The following PCDH15 variants were observed in gnomAD, a reference collection of about 807,000 sequenced individuals.
PCDH15 encodes the protein protocadherin-15.
Under a neutral mutation model 178.5 loss-of-function variants are expected in PCDH15, and 129 were observed. The ratio of observed to expected loss-of-function variants is 0.72; its 90% CI spans 0.63 to 0.84. The LOEUF is 0.84. PCDH15 is among the 40% of genes least tolerant of loss of function. The pLI is 0.00. For missense variants in PCDH15, 2,230 were observed against 2,099.9 expected (o/e 1.06, Z -1.21); for synonymous variants, 800 against 732.0 (o/e 1.09, Z -1.50).
intron 3 of PCDH15, among the ~76,000 whole-genome samples, chr10:54,824,483 A>G (rs1473922337): frequency 6.6e-6 from 1 of 152,168 alleles, no homozygotes; most frequent in Admixed American, 6.6e-5. Context: ...AGGATGCATG[A>G]GTAGGCAGGA....
chr10:55,148,962 G>A (rs931960523), intron 2 of PCDH15, among the ~76,000 whole-genome samples: 10 of 150,972 alleles, frequency 6.6e-5, no homozygotes, highest in African/African-American at 2.2e-4. Context: ...ACACTAAAGA[G>A]GAATAAAACT....
intron 20 of PCDH15, among the ~76,000 whole-genome samples, chr10:54,009,306 G>C (rs574019134): frequency 2.6e-5 from 4 of 151,784 alleles, no homozygotes; most frequent in African/African-American, 9.7e-5. Flanking sequence ...TAAGTATATA[G>C]ACATGTGGAC....
chr10:55,447,642 G>A (rs1487745304), intron 2 of PCDH15, among the ~76,000 whole-genome samples: 1 of 151,522 alleles, frequency 6.6e-6, no homozygotes, highest in East Asian at 1.9e-4. Context: ...CTAAACCGAA[G>A]AAAAAATAAT....
At chr10:54,087,689 T>C (rs2094536477) in intron 16 of PCDH15, among the ~76,000 whole-genome samples, 1 of 152,196 alleles carries the variant, frequency 6.6e-6, no homozygotes, top group Admixed American at 6.5e-5. Flanking sequence ...TATGCGGTAA[T>C]TCTGTTTACC....
intron 1 of PCDH15, among the ~76,000 whole-genome samples, chr10:55,277,022 A>G (rs529866876): frequency 1.3e-5 from 2 of 152,194 alleles, no homozygotes; most frequent in Admixed American, 1.3e-4. Context: ...TGGAGGATCT[A>G]CAGATTTCTT....
chr10:54,944,793 A>C (rs1177622841), intron 2 of PCDH15, among the ~76,000 whole-genome samples: 1 of 152,036 alleles, frequency 6.6e-6, no homozygotes, highest in African/African-American at 2.4e-5. Flanking sequence ...TACAAAGGAT[A>C]GTTGGCTAGA....
chr10:55,433,106 C>T (rs1838931449), intron 2 of PCDH15, among the ~76,000 whole-genome samples: 1 of 151,828 alleles, frequency 6.6e-6, no homozygotes, highest in Non-Finnish European at 1.5e-5. Context: ...CTCTATATAC[C>T]CAAATGAATA....
At chr10:55,185,690 T>C (rs914324131) in intron 1 of PCDH15, among the ~76,000 whole-genome samples, 2 of 151,770 alleles carry the variant, frequency 1.3e-5, no homozygotes, top group Non-Finnish European at 3.0e-5. Flanking sequence ...CAGTGTTTTG[T>C]TTTCTATGCA....
intron 2 of PCDH15, among the ~76,000 whole-genome samples, chr10:55,506,516 G>A (rs1421876212): frequency 6.6e-6 from 1 of 151,400 alleles, no homozygotes; most frequent in East Asian, 1.9e-4. Context: ...GTATTTGATT[G>A]GAATACCAAA....
chr10:55,521,235 G>T (rs1188810906), intron 2 of PCDH15, among the ~76,000 whole-genome samples: 1 of 151,948 alleles, frequency 6.6e-6, no homozygotes, highest in Non-Finnish European at 1.5e-5. Flanking sequence ...TATCCATGCT[G>T]ATGCAAATGG....
chr10:54,330,465 T>G (rs1939257088), intron 6 of PCDH15, among the ~76,000 whole-genome samples: 1 of 151,952 alleles, frequency 6.6e-6, no homozygotes, highest in South Asian at 2.1e-4. Flanking sequence ...CATTATAATT[T>G]TATGAGACCA....
chr10:54,058,177 T>C (rs2093938458), intron 18 of PCDH15, among the ~76,000 whole-genome samples: 1 of 152,064 alleles, frequency 6.6e-6, no homozygotes, highest in African/African-American at 2.4e-5. Flanking sequence ...CCCAGGCCTG[T>C]TACCCAGTTC....
At chr10:53,945,590 AT>A (rs972705121) in intron 23 of PCDH15, among the ~76,000 whole-genome samples, 1 of 151,442 alleles carries the variant, frequency 6.6e-6, no homozygotes, top group Non-Finnish European at 1.5e-5. Context: ...CCATGTAACC[AT>A]TTTTTTACGC....
chr10:55,163,595 G>A (rs758048399), intron 2 of PCDH15, among the ~76,000 whole-genome samples: 6 of 152,080 alleles, frequency 3.9e-5, no homozygotes, highest in Non-Finnish European at 8.8e-5. Context: ...CAAAAACCCA[G>A]CTGTTAAAAC....
intron 2 of PCDH15, among the ~76,000 whole-genome samples, chr10:55,481,886 T>A (rs1255251068): frequency 6.6e-6 from 1 of 151,782 alleles, no homozygotes; most frequent in East Asian, 1.9e-4. Flanking sequence ...CCTGAATATC[T>A]TTGTTAATTT....
chr10:53,897,632 T>C (rs958046966), intron 26 of PCDH15, among the ~76,000 whole-genome samples: 2 of 150,538 alleles, frequency 1.3e-5, no homozygotes, highest in East Asian at 3.9e-4. Context: ...CCATTCATGC[T>C]CAAAACGTCT....
intron 3 of PCDH15, among the ~76,000 whole-genome samples, chr10:54,818,354 A>G (rs2133737382): frequency 6.6e-6 from 1 of 152,236 alleles, no homozygotes. Context: ...AGATGGCCAC[A>G]TCCGTAGTCC....
intron 30 of PCDH15, among the ~76,000 whole-genome samples, chr10:53,829,989 A>C (rs2076922559): frequency 6.6e-6 from 1 of 152,240 alleles, no homozygotes; most frequent in South Asian, 2.1e-4. Context: ...TTTGAGAACA[A>C]AGATGACAGT....
chr10:55,507,543 T>A (rs1047446349), intron 2 of PCDH15, among the ~76,000 whole-genome samples: 1 of 151,652 alleles, frequency 6.6e-6, no homozygotes, highest in Non-Finnish European at 1.5e-5. Context: ...TCTTTTCTTT[T>A]CTTTTTAATT....
Sources: gnomAD v4.1 joint callset for allele counts (sites outside exome capture counted in the v4.1 genomes callset) on GRCh38, gnomAD v4.1.1 for gene constraint, MANE v1.5 for transcripts, NCBI Gene and HGNC (gene_info 2026-07-23, HGNC 2026-07-21) for gene names.